Variants in MYO3A observed in about 807,000 individuals in gnomAD.
MYO3A encodes the protein myosin-IIIa.
A neutral mutation model predicts 192.7 loss-of-function variants in MYO3A; 180 were observed. That is an observed-to-expected ratio of 0.93 (90% CI 0.83 to 1.06). The LOEUF (loss-of-function observed/expected upper bound fraction) is 1.06. Ranked by LOEUF, MYO3A falls within the 50% of genes least tolerant of loss-of-function variation. The pLI is 0.00. For missense variants in MYO3A, 1,896 were observed against 1,905.0 expected (o/e 1.00, Z 0.09); for synonymous variants, 628 against 645.3 (o/e 0.97, Z 0.41).
intron 4 of MYO3A, among the ~76,000 whole-genome samples, chr10:25,963,239 T>C (rs1420491982): frequency 6.6e-6 from 1 of 152,192 alleles, no homozygotes; most frequent in African/African-American, 2.4e-5. Flanking sequence ...AGCACGAAAA[T>C]TCAGTAAATA....
In MYO3A at chr10:26,207,769, G is replaced by T. The variant is rs1368571361; in HGVS notation, c.4731-4074G>T. On this transcript the variant is annotated intron_variant, in intron 34 of 34. Coordinates refer to ENST00000642920, the MANE Select transcript of MYO3A (RefSeq NM_017433.5). ...TTTGACTACCAAAGGGTCTTCTGTG[G>T]TTCTATACAAATTTTAGGATTTTTT... Among the ~76,000 whole-genome samples, 4 of 126,746 alleles carry T rather than the reference G, an allele frequency of 3.2e-5. No homozygotes were observed. The East Asian group carries it at 9.4e-4, about 30-fold the overall frequency. 83.2% of individuals were successfully genotyped at this position (126,746 alleles called of 152,430 possible). A position where few individuals can be genotyped will look rare whatever the true frequency, so the allele number is the denominator to read the frequency against.
chr10:26,101,281 T>A lies in MYO3A; in HGVS notation c.1776+4599T>A, dbSNP rs554413700. ...TTCCTCCAAACCTTTATTTTGAACC[T>A]GTGTGTGTCTCTGCACATGATATGT... On this transcript the variant is annotated intron_variant, in intron 17 of 34. Coordinates refer to ENST00000642920, the MANE Select transcript of MYO3A (RefSeq NM_017433.5). Among the ~76,000 whole-genome samples the A allele has an allele frequency of 3.9e-5, 6 of 152,320 alleles. No individual in the cohort carries two copies. In the South Asian group the frequency reaches 1.2e-3, roughly 32 times the overall value.
At chr10:26,140,518 T>C (rs1248002235) in intron 20 of MYO3A, among the ~76,000 whole-genome samples, 1 of 152,032 alleles carries the variant, frequency 6.6e-6, no homozygotes, top group African/African-American at 2.4e-5. Flanking sequence ...ACCCCGTCTC[T>C]ACTAAAAGTA....
intron 9 of MYO3A, among the ~76,000 whole-genome samples, chr10:26,024,342 C>T (rs138401415): frequency 3.3e-5 from 5 of 152,214 alleles, no homozygotes; most frequent in Admixed American, 1.3e-4. Context: ...TTCTTCTGTT[C>T]GCCTGTGTTT....
At chr10:26,161,885 C>T (rs1350828882) in intron 26 of MYO3A, among the ~76,000 whole-genome samples, 1 of 152,030 alleles carries the variant, frequency 6.6e-6, no homozygotes, top group Non-Finnish European at 1.5e-5. Context: ...TCCACAAGTC[C>T]CAGCAACAGC....
intron 17 of MYO3A, among the ~76,000 whole-genome samples, chr10:26,103,480 A>G (rs191909667): frequency 6.6e-6 from 1 of 152,342 alleles, no homozygotes; most frequent in East Asian, 1.9e-4. Flanking sequence ...TGGGAGCTGT[A>G]GACTGGAGCT....
At chr10:26,211,693 G>A (rs1844222870) in intron 34 of MYO3A, 150 bp from the exon 35 acceptor site, 2 of 1,224,656 alleles carry the variant, frequency 1.6e-6, no homozygotes, top group Non-Finnish European at 1.1e-6. Context: ...GATACGTTTG[G>A]CCATTATCCA....
chr10:25,948,515 A>G (rs1837005346), intron 2 of MYO3A, among the ~76,000 whole-genome samples: 1 of 152,152 alleles, frequency 6.6e-6, no homozygotes, highest in Admixed American at 6.5e-5. Flanking sequence ...TCATATAACT[A>G]AGAACTTATT....
intron 4 of MYO3A, among the ~76,000 whole-genome samples, chr10:25,967,779 T>G: frequency 6.6e-6 from 1 of 152,254 alleles, no homozygotes. Flanking sequence ...CTTCTAAAAC[T>G]TAAAAATATA....
intron 4 of MYO3A, 114 bp downstream of exon 4, chr10:25,955,122 G>C: frequency 7.0e-7 from 1 of 1,438,114 alleles, no homozygotes; most frequent in Non-Finnish European, 9.7e-7. Context: ...ATAAGTTCCT[G>C]ACCAGCCATG....
intron 10 of MYO3A, among the ~76,000 whole-genome samples, chr10:26,035,783 T>A (rs768924521): frequency 1.6e-4 from 25 of 152,326 alleles, no homozygotes; most frequent in Admixed American, 3.3e-4. Context: ...ACAAAACTGA[T>A]GGACAGATTT....
chr10:26,153,557 A>T (rs1381378476), intron 23 of MYO3A, among the ~76,000 whole-genome samples: 3 of 152,222 alleles, frequency 2.0e-5, no homozygotes, highest in African/African-American at 7.2e-5. Flanking sequence ...ATAAGAAGCA[A>T]ACTGCTCCCT....
At chr10:26,087,201 C>G (rs1836389905) in intron 14 of MYO3A, among the ~76,000 whole-genome samples, 1 of 152,098 alleles carries the variant, frequency 6.6e-6, no homozygotes, top group South Asian at 2.1e-4. Context: ...CAAGGCCAGC[C>G]CAAAGCATTT....
At chr10:26,153,021 T>C (rs76346578) in intron 23 of MYO3A, among the ~76,000 whole-genome samples, 4,585 of 152,310 alleles carry the variant, frequency 0.03, 209 homozygotes, top group African/African-American at 0.1. Flanking sequence ...AGAAATGATC[T>C]TTCTGAATTG....
intron 10 of MYO3A, among the ~76,000 whole-genome samples, chr10:26,029,955 G>A (rs571558508): frequency 6.6e-6 from 1 of 151,892 alleles, no homozygotes. Flanking sequence ...ATTCCCCAGG[G>A]CCCATTGTGA....
Position 25,952,158 on chromosome 10 carries a change from T to G in MYO3A, c.48T>G (p.Asp16Glu), listed in dbSNP as rs1419796834. The change falls in exon 3 of 35, where the codon GAT (aspartate) becomes GAG (glutamate). Residue 16 changes from aspartate (D) to glutamate (E), a missense_variant. Physicochemically the swap from Asp to Glu is conservative, Grantham distance 45. Coordinates refer to ENST00000642920, the MANE Select transcript of MYO3A (RefSeq NM_017433.5). ...GKTIIFDNFPDPSDTWEITET... is the reference protein window; with the variant it reads ...GKTIIFDNFPEPSDTWEITET... ...CAATCATCTTTGATAACTTTCCTGATCCTTCTGATACATGGGAAATCACTG... is the reference window on the plus strand; with the variant it reads ...CAATCATCTTTGATAACTTTCCTGAGCCTTCTGATACATGGGAAATCACTG... 6.2e-7 allele frequency: 1 copy of G among 1,612,504 alleles called. No homozygotes were observed. Among genetic ancestry groups the G allele is most frequent in the Admixed American group, 1.7e-5 (1 of 59,908 alleles).
intron 15 of MYO3A, among the ~76,000 whole-genome samples, chr10:26,096,122 C>G (rs1239182843): frequency 6.6e-6 from 1 of 152,140 alleles, no homozygotes; most frequent in Non-Finnish European, 1.5e-5. Flanking sequence ...ATATCCCCAG[C>G]GCCTGGAACA....
intron 21 of MYO3A, among the ~76,000 whole-genome samples, chr10:26,144,386 A>G (rs1161894666): frequency 6.6e-6 from 1 of 151,738 alleles, no homozygotes; most frequent in Non-Finnish European, 1.5e-5. Context: ...CTTTCTTACC[A>G]TTAGGTCTGT....
chr10:26,158,011 G>A (rs1275103065), intron 26 of MYO3A, among the ~76,000 whole-genome samples: 1 of 152,050 alleles, frequency 6.6e-6, no homozygotes, highest in Non-Finnish European at 1.5e-5. Flanking sequence ...CCACAACAAA[G>A]AATTATCCAG....
Sources: allele counts gnomAD v4.1 joint callset (sites outside exome capture counted in the v4.1 genomes callset), GRCh38; gene constraint gnomAD v4.1.1; transcripts MANE v1.5; gene names NCBI Gene and HGNC (gene_info 2026-07-23, HGNC 2026-07-21).